ABI3BP: variants seen among roughly 807,000 people sequenced by gnomAD.
ABI3BP encodes the protein ABI family member 3 binding protein, also known as target of Nesh-SH3.
A neutral mutation model predicts 268.6 loss-of-function variants in ABI3BP; 216 were observed. That is an observed-to-expected ratio of 0.80 (90% CI 0.72 to 0.90). The LOEUF (loss-of-function observed/expected upper bound fraction) is 0.90. Ranked by LOEUF, ABI3BP falls within the 40% of genes least tolerant of loss-of-function variation. The pLI is 0.00. For synonymous variants in ABI3BP, 730 were observed against 730.0 expected (o/e 1.00, Z 0.00); for missense variants, 2,090 against 2,182.4 (o/e 0.96, Z 0.84).
At chr3:100,844,337 G>A (rs2098743303) in intron 20 of ABI3BP, 1 of 985,318 alleles carries the variant, frequency 1.0e-6, no homozygotes, top group African/African-American at 1.7e-5. Flanking sequence ...AATTCCCACT[G>A]GACGAGGTAG....
intron 24 of ABI3BP, 106 bp downstream of exon 24, chr3:100,839,463 G>A: frequency 8.4e-7 from 1 of 1,193,586 alleles, no homozygotes; most frequent in Non-Finnish European, 1.2e-6. Flanking sequence ...AGCGTGGGAT[G>A]AAACTGTGAT....
At chr3:100,872,222 A>G (rs941211079) in intron 9 of ABI3BP, among the ~76,000 whole-genome samples, 7 of 152,066 alleles carry the variant, frequency 4.6e-5, no homozygotes, top group Non-Finnish European at 8.8e-5. Flanking sequence ...AGTTTTAATT[A>G]TTTGCATTTT....
chr3:100,985,035 A>C (rs2091167942), intron 1 of ABI3BP, among the ~76,000 whole-genome samples: 1 of 151,894 alleles, frequency 6.6e-6, no homozygotes, highest in African/African-American at 2.4e-5. Flanking sequence ...CTTCCATCAC[A>C]TCCACTGATA....
chr3:100,772,849 T>C (rs2096589212), intron 61 of ABI3BP, among the ~76,000 whole-genome samples: 1 of 151,948 alleles, frequency 6.6e-6, no homozygotes, highest in African/African-American at 2.4e-5. Context: ...GAGGCCGAGA[T>C]GGGTGGATCA....
At position 100,824,862 on chromosome 3, in the gene ABI3BP, T is replaced by C; in HGVS notation, c.2742A>G (p.Lys914=). The C allele has an allele frequency of 6.5e-7, 1 of 1,535,502 alleles. No homozygotes were observed. Among genetic ancestry groups the C allele is most frequent in the Non-Finnish European group, 8.7e-7 (1 of 1,146,350 alleles). Reference sequence around the variant, plus strand: ...ACCAAGGAATCACAGATTTACCAGGTTTGGTCTCAGGTGCCTGAGGGCTCG... The same window carrying C: ...ACCAAGGAATCACAGATTTACCAGGCTTGGTCTCAGGTGCCTGAGGGCTCG... ...TTPSPQAPET[K]PVPATVLEPV... is the part of the protein sequence containing the mutation. Residue 914 remains lysine, a synonymous_variant, in exon 36 of 68, where the codon AAA becomes AAG. Coordinates refer to ENST00000471714, the MANE Select transcript of ABI3BP (RefSeq NM_001375547.2).
In ABI3BP at chr3:100,912,065, C is replaced by T. The variant is rs1383358972; in HGVS notation, c.260-9379G>A. Reference sequence around the variant, plus strand: ...TGGGAATCAGTAATGCTATTCTTGCCTTCATCTTTTACTTCCTTAAGAAGA... The same window carrying T: ...TGGGAATCAGTAATGCTATTCTTGCTTTCATCTTTTACTTCCTTAAGAAGA... On this transcript the variant is annotated intron_variant, in intron 2 of 67. Transcript: ENST00000471714. The T allele has an allele frequency of 8.3e-6, 6 of 721,664 alleles. No homozygotes were observed. In the East Asian group the frequency reaches 1.5e-4, roughly 18 times the overall value. 44.7% of individuals were successfully genotyped at this position (721,664 alleles called of 1,614,324 possible). A position where few individuals can be genotyped will look rare whatever the true frequency, so the allele number is the denominator to read the frequency against.
At chr3:100,906,582 A>T (rs2053546471) in intron 2 of ABI3BP, among the ~76,000 whole-genome samples, 1 of 152,232 alleles carries the variant, frequency 6.6e-6, no homozygotes, top group African/African-American at 2.4e-5. Context: ...AAAGATATAT[A>T]CCTAAAATGT....
At chr3:100,892,982 A>T (rs1220755971) in intron 4 of ABI3BP, among the ~76,000 whole-genome samples, 1 of 152,216 alleles carries the variant, frequency 6.6e-6, no homozygotes, top group East Asian at 1.9e-4. Context: ...TTGCCAAAAG[A>T]GATGAACATT....
chr3:100,844,369 G>A, intron 20 of ABI3BP: 1 of 985,426 alleles, frequency 1.0e-6, no homozygotes, highest in Non-Finnish European at 1.2e-6. Context: ...CATGGTAGGT[G>A]GCTGTGGTTT....
Position 100,800,948 on chromosome 3 carries a change from C to A in ABI3BP, c.3757+3844G>T, listed in dbSNP as rs1052006262. Among the ~76,000 whole-genome samples the A allele has an allele frequency of 8.5e-5, 13 of 152,228 alleles. 1 individual carries two copies. The highest frequency in any genetic ancestry group is 3.1e-4 in the African/African-American group (13 of 41,534). ...TCATTTTTTGTTTATATCACTAACCCATTAATTACTGAGATTTGCCTTGTT... is the reference window on the plus strand; with the variant it reads ...TCATTTTTTGTTTATATCACTAACCAATTAATTACTGAGATTTGCCTTGTT... On this transcript the variant is annotated intron_variant, in intron 51 of 67. Transcript: ENST00000471714.
chr3:100,926,277 C>G, intron 2 of ABI3BP, 25 bp downstream of exon 2: 1 of 1,610,628 alleles, frequency 6.2e-7, no homozygotes, highest in Non-Finnish European at 8.5e-7. Flanking sequence ...CCTTTCCTTC[C>G]CAGCCCGATA....
rs141343889 is a variant in ABI3BP at position 100,795,253 on chromosome 3, G to A, written c.3866-250C>T. Among the ~76,000 whole-genome samples, 1,087 of 152,074 alleles carry A rather than the reference G, an allele frequency of 7.1e-3. 6 individuals are homozygous for A. The highest frequency in any genetic ancestry group is 0.012 in the Non-Finnish European group (814 of 67,938). ...CCATCAGAATGGCTGGTTGAGATGG[G>A]GTGTGGGTTAGACACAGTCCTGGAC... On this transcript the variant is annotated intron_variant, in intron 53 of 67. Transcript: ENST00000471714.
chr3:100,884,832 T>A (rs866632765), intron 6 of ABI3BP, among the ~76,000 whole-genome samples: 2 of 152,086 alleles, frequency 1.3e-5, no homozygotes, highest in African/African-American at 2.4e-5. Flanking sequence ...TGCAATTATT[T>A]TGGCACCAAA....
chr3:100,886,244 C>G lies in ABI3BP; in HGVS notation c.541G>C (p.Val181Leu). ...ACTGTGTTGGGCTTTAGGTTTTCCA[C>G]AATTGTTTCAGTGGCTGGACAGATT... is the stretch of plus-strand genomic sequence containing the variant. ...FQICPATETI[V>L]ENLKPNTVYE... The change falls in exon 5 of 68, where the codon GTG becomes CTG. Residue 181 changes from valine (V) to leucine (L), a missense_variant. Transcript: ENST00000471714. 6.2e-7 allele frequency: 1 copy of G among 1,611,058 alleles called. No individual in the cohort carries two copies. Among genetic ancestry groups the G allele is most frequent in the Non-Finnish European group, 8.5e-7 (1 of 1,178,302 alleles).
intron 4 of ABI3BP, among the ~76,000 whole-genome samples, chr3:100,894,956 AAAAAAAAAAAAC>A (rs2046816035): frequency 7.6e-6 from 1 of 131,438 alleles, no homozygotes; most frequent in African/African-American, 2.6e-5. Flanking sequence ...AAAAAAAAAA[AAAAAAAAAAAAC>A]AGAAAAAAAA....
chr3:100,873,366 C>T (rs537872719), intron 9 of ABI3BP, among the ~76,000 whole-genome samples: 39 of 152,222 alleles, frequency 2.6e-4, no homozygotes, highest in African/African-American at 7.9e-4. Flanking sequence ...AAGAAAAAGA[C>T]ATCAACATTT....
At chr3:100,754,258 T>C (rs186978445) in intron 64 of ABI3BP, among the ~76,000 whole-genome samples, 2 of 152,316 alleles carry the variant, frequency 1.3e-5, no homozygotes, top group African/African-American at 4.8e-5. Context: ...AATTGGAGAT[T>C]GTAAGGTCTA....
intron 4 of ABI3BP, among the ~76,000 whole-genome samples, chr3:100,893,132 C>T (rs539401926): frequency 3.9e-5 from 6 of 152,302 alleles, no homozygotes; most frequent in African/African-American, 1.2e-4. Flanking sequence ...TTCCATCTTT[C>T]CCCTGTGCTG....
At chr3:100,862,165 A>G in intron 14 of ABI3BP, 146 bp downstream of exon 14, 1 of 617,028 alleles carries the variant, frequency 1.6e-6, no homozygotes, top group Non-Finnish European at 2.8e-6. Flanking sequence ...GGGGAAAATG[A>G]GGTTCATCTC....
Sources: gnomAD v4.1 joint callset for allele counts (sites outside exome capture counted in the v4.1 genomes callset) on GRCh38, gnomAD v4.1.1 for gene constraint, MANE v1.5 for transcripts, NCBI Gene and HGNC (gene_info 2026-07-23, HGNC 2026-07-21) for gene names.